Variants in GLYR1 observed in about 807,000 individuals in gnomAD.
The protein encoded by GLYR1 is glyoxylate reductase 1 homolog.
A neutral mutation model predicts 72.7 loss-of-function variants in GLYR1; 21 were observed. The observed-to-expected ratio is 0.29, with a 90% CI of 0.20 to 0.42. GLYR1 has a LOEUF of 0.42. GLYR1 is among the 10% of genes least tolerant of loss of function. The pLI, the probability that GLYR1 is intolerant of heterozygous loss-of-function variation, is 1.00. For synonymous variants in GLYR1, 392 were observed against 270.2 expected (o/e 1.45, Z -4.42); for missense variants, 594 against 712.1 (o/e 0.83, Z 1.89).
chr16:4,846,049 A>T (rs2086017624), intron 2 of GLYR1, 125 bp downstream of exon 2: 4 of 1,016,536 alleles, frequency 3.9e-6, no homozygotes, highest in African/African-American at 3.2e-5. Context: ...GGGAAAAAAA[A>T]TTCTAAGTGC....
chr16:4,817,379 A>G (rs998108946), intron 10 of GLYR1, among the ~76,000 whole-genome samples: 6 of 152,232 alleles, frequency 3.9e-5, no homozygotes, highest in Non-Finnish European at 7.4e-5. Context: ...TCAGCCTCCC[A>G]AAGTGCTGGG....
chr16:4,816,968 G>A (rs551226125), intron 10 of GLYR1, among the ~76,000 whole-genome samples: 43 of 149,850 alleles, frequency 2.9e-4, no homozygotes, highest in African/African-American at 7.4e-4. Flanking sequence ...TTTTTGAGAC[G>A]GAGTCTTGTT....
intron 15 of GLYR1, among the ~76,000 whole-genome samples, chr16:4,809,194 T>C (rs1274542549): frequency 7.1e-5 from 10 of 141,668 alleles, no homozygotes; most frequent in African/African-American, 2.6e-4. Flanking sequence ...TTTCGTTTTT[T>C]TTTTTTTTTT....
chr16:4,809,277 G>A lies in GLYR1; in HGVS notation c.1587+1893C>T, dbSNP rs552542970. Among the ~76,000 whole-genome samples the A allele has an allele frequency of 3.0e-4, 40 of 133,432 alleles. No individual in the cohort carries two copies. In the South Asian group the frequency reaches 6.0e-3, roughly 20 times the overall value. The allele number at this position is 133,432 out of a possible 152,430, so 87.5% of individuals were successfully genotyped here. A position where few individuals can be genotyped will look rare whatever the true frequency, so the allele number is the denominator to read the frequency against. ...CGATCTAGGCTCACTGCAACCTCCC[G>A]CCTCCCAGGTTCAAGCAATTCTCTG... is the stretch of plus-strand genomic sequence containing the variant. On this transcript the variant is annotated intron_variant, in intron 15 of 15. Coordinates refer to ENST00000321919, the MANE Select transcript of GLYR1 (RefSeq NM_032569.4).
chr16:4,846,475 C>G (rs552897258), intron 1 of GLYR1, among the ~76,000 whole-genome samples: 4 of 152,238 alleles, frequency 2.6e-5, no homozygotes, highest in Non-Finnish European at 5.9e-5. Context: ...TTCTTAATGA[C>G]GGGGGTGGGA....
At chr16:4,810,790 TAAAAGAAAAAGA>T (rs143991977) in intron 15 of GLYR1, among the ~76,000 whole-genome samples, 9 of 117,240 alleles carry the variant, frequency 7.7e-5, no homozygotes, top group Non-Finnish European at 1.1e-4. Flanking sequence ...TGTCTCAAAA[TAAAAGAAAAAGA>T]AAAAGAAAAA....
chr16:4,832,325 C>G, intron 4 of GLYR1, 104 bp from the exon 5 acceptor site: 5 of 1,368,048 alleles, frequency 3.7e-6, no homozygotes, highest in Non-Finnish European at 5.1e-6. Flanking sequence ...TCTGTGTGGT[C>G]TCCTCACAAT....
rs201805725 is a variant in GLYR1 at position 4,846,923 on chromosome 16, G to C, written c.38+305C>G. Reference sequence around the variant, plus strand: ...AAGACCCCGGGGACCGGTCGTCCGGGGAAGCCTCGCGGCACCGGCGGCTCC... The same window carrying C: ...AAGACCCCGGGGACCGGTCGTCCGGCGAAGCCTCGCGGCACCGGCGGCTCC... On this transcript the variant is annotated intron_variant, in intron 1 of 15. Coordinates refer to ENST00000321919, the MANE Select transcript of GLYR1 (RefSeq NM_032569.4). The C allele has an allele frequency of 3.5e-5, 16 of 456,632 alleles. No homozygotes were observed. The East Asian group carries it at 6.4e-4, about 18-fold the overall frequency. The allele number at this position is 456,632 out of a possible 1,614,324, so 28.3% of individuals were successfully genotyped here.
intron 4 of GLYR1, chr16:4,832,437 G>A (rs2084860775): frequency 1.6e-6 from 1 of 624,472 alleles, no homozygotes; most frequent in South Asian, 2.1e-5. Context: ...AAAACTAGAA[G>A]AAAGGATTTA....
At chr16:4,812,026 A>C in intron 13 of GLYR1, 60 bp downstream of exon 13, 2 of 1,559,756 alleles carry the variant, frequency 1.3e-6, no homozygotes, top group Non-Finnish European at 1.7e-6. Flanking sequence ...CGCTGTCATC[A>C]GTGTGAAACA....
chr16:4,814,932 T>G (rs2083543515), intron 10 of GLYR1, among the ~76,000 whole-genome samples: 1 of 152,102 alleles, frequency 6.6e-6, no homozygotes, highest in South Asian at 2.1e-4. Flanking sequence ...CAGTAGCACC[T>G]CTCCCCAGCC....
At chr16:4,837,997 G>A (rs983709690) in intron 3 of GLYR1, among the ~76,000 whole-genome samples, 8 of 151,602 alleles carry the variant, frequency 5.3e-5, no homozygotes, top group Admixed American at 6.6e-5. Flanking sequence ...AAATACAGGT[G>A]AGAACAAAGA....
chr16:4,818,947 A>G (rs1020284563), intron 9 of GLYR1, among the ~76,000 whole-genome samples: 2 of 151,986 alleles, frequency 1.3e-5, no homozygotes, highest in African/African-American at 4.8e-5. Flanking sequence ...CTCCACACAC[A>G]TTCACATACT....
chr16:4,824,802 C>T (rs796254213), intron 5 of GLYR1, among the ~76,000 whole-genome samples: 1 of 152,164 alleles, frequency 6.6e-6, no homozygotes, highest in Admixed American at 6.5e-5. Context: ...CTCTCGACTG[C>T]TCTGATGTTA....
At chr16:4,822,483 C>T (rs112934732) in intron 7 of GLYR1, among the ~76,000 whole-genome samples, 136 of 148,952 alleles carry the variant, frequency 9.1e-4, no homozygotes, top group African/African-American at 3.1e-3. Context: ...CTCTGCCTCC[C>T]GGGTTCAAGC....
intron 15 of GLYR1, among the ~76,000 whole-genome samples, chr16:4,809,698 C>T (rs113954954): frequency 0.071 from 10,685 of 150,270 alleles, 468 homozygotes; most frequent in Middle Eastern, 0.16. Context: ...CTGAGGTGGA[C>T]GGATCACCTG....
In GLYR1 at chr16:4,823,894, G is replaced by C; in HGVS notation, c.551C>G (p.Pro184Arg). ...PPKDEKDLTI[P>R]ESSTVKGMMA... is the part of the protein sequence containing the mutation. ...CATCCCCTTCACGGTACTAGACTCCGGGATGGTGAGATCCTATAGAGGGAG... is the reference window on the plus strand; with the variant it reads ...CATCCCCTTCACGGTACTAGACTCCCGGATGGTGAGATCCTATAGAGGGAG... Residue 184 changes from proline (P) to arginine (R), a missense_variant, in exon 6 of 16, where the codon CCG becomes CGG. Around this residue, in one of 5 missense-constraint regions of GLYR1, gnomAD observed 252 missense variants for 211.3 expected, o/e 1.19. Coordinates refer to ENST00000321919, the MANE Select transcript of GLYR1 (RefSeq NM_032569.4). 1.2e-6 allele frequency: 2 copies of C among 1,613,970 alleles called. No individual in the cohort carries two copies. Among genetic ancestry groups the C allele is most frequent in the Non-Finnish European group, 1.7e-6 (2 of 1,179,932 alleles).
chr16:4,844,214 A>G (rs1347787809), intron 3 of GLYR1, among the ~76,000 whole-genome samples: 1 of 152,180 alleles, frequency 6.6e-6, no homozygotes, highest in Non-Finnish European at 1.5e-5. Context: ...ACTCAAGTTA[A>G]TACAGGTTCT....
At chr16:4,815,893 T>C (rs1037137193) in intron 10 of GLYR1, among the ~76,000 whole-genome samples, 4 of 152,122 alleles carry the variant, frequency 2.6e-5, no homozygotes, top group Non-Finnish European at 5.9e-5. Flanking sequence ...GCCATTCTCC[T>C]GCCTCAGCCT....
Sources: allele counts gnomAD v4.1 joint callset (sites outside exome capture counted in the v4.1 genomes callset), GRCh38; gene constraint gnomAD v4.1.1; regional missense constraint gnomAD v4.1.1; transcripts MANE v1.5; gene names NCBI Gene and HGNC (gene_info 2026-07-23, HGNC 2026-07-21).